Variants in TAFA1 observed in about 807,000 individuals in gnomAD.
TAFA1 encodes TAFA chemokine like family member 1.
A neutral mutation model predicts 18.5 loss-of-function variants in TAFA1; 4 were observed. That is an observed-to-expected ratio of 0.22 (90% CI 0.11 to 0.49). The LOEUF (loss-of-function observed/expected upper bound fraction) is 0.49. Among genes scored for constraint, TAFA1 ranks in the 20% least tolerant of loss-of-function variants. The probability of loss-of-function intolerance (pLI) is 0.98; values close to 1 mark genes in which losing one functional copy is unlikely to be tolerated. For missense variants in TAFA1, 147 were observed against 169.0 expected (o/e 0.87, Z 0.72); for synonymous variants, 56 against 55.2 (o/e 1.01, Z -0.06).
chr3:68,527,916 G>T (rs2073131083), intron 3 of TAFA1, among the ~76,000 whole-genome samples: 1 of 152,030 alleles, frequency 6.6e-6, no homozygotes, highest in African/African-American at 2.4e-5. Flanking sequence ...AGATAAGATT[G>T]TCTGTTCGAA....
At chr3:68,362,800 C>T (rs115752482) in intron 2 of TAFA1, among the ~76,000 whole-genome samples, 1,599 of 152,062 alleles carry the variant, frequency 0.011, 10 homozygotes, top group Non-Finnish European at 0.016. Flanking sequence ...AGAGATGATA[C>T]GGTAGGTTCT....
At chr3:68,305,436 TATATATATATATATATATATA>T (rs1217444174) in intron 2 of TAFA1, among the ~76,000 whole-genome samples, 1 of 117,120 alleles carries the variant, frequency 8.5e-6, no homozygotes, top group African/African-American at 3.2e-5. Flanking sequence ...TATATATATA[TATATATATATATATATATATA>T]GGTAGAAGGG....
chr3:68,459,311 C>T (rs1268323318), intron 3 of TAFA1, among the ~76,000 whole-genome samples: 2 of 152,144 alleles, frequency 1.3e-5, no homozygotes, highest in Non-Finnish European at 2.9e-5. Context: ...TAAGCAATAA[C>T]ACTATTTTTT....
chr3:68,497,740 A>G (rs2106697155), intron 3 of TAFA1, among the ~76,000 whole-genome samples: 1 of 152,294 alleles, frequency 6.6e-6, no homozygotes, highest in Non-Finnish European at 1.5e-5. Context: ...TTGGATATAT[A>G]ATAAAGTCTT....
chr3:67,998,035 C>A, the TAFA1 span, among the ~76,000 whole-genome samples: 2 of 151,132 alleles, frequency 1.3e-5, no homozygotes, highest in Admixed American at 1.3e-4. Flanking sequence ...ACATAAAAAA[C>A]ATATATTAAA....
At chr3:68,450,721 C>G (rs1331901793) in intron 3 of TAFA1, among the ~76,000 whole-genome samples, 1 of 152,194 alleles carries the variant, frequency 6.6e-6, no homozygotes, top group Non-Finnish European at 1.5e-5. Context: ...TATAGTTGCT[C>G]TTAGTGAATT....
intron 3 of TAFA1, among the ~76,000 whole-genome samples, chr3:68,483,395 T>A (rs1002060273): frequency 6.6e-6 from 1 of 152,238 alleles, no homozygotes; most frequent in African/African-American, 2.4e-5. Context: ...TCATGGATTA[T>A]AAAACCCATT....
chr3:68,420,506 C>G (rs1341633487), intron 3 of TAFA1, among the ~76,000 whole-genome samples: 3 of 152,114 alleles, frequency 2.0e-5, no homozygotes, highest in Admixed American at 6.5e-5. Flanking sequence ...AGGCATGAGC[C>G]ACCACACCTG....
intron 2 of TAFA1, among the ~76,000 whole-genome samples, chr3:68,135,449 T>C (rs900093003): frequency 5.9e-5 from 9 of 152,202 alleles, no homozygotes; most frequent in Admixed American, 5.9e-4. Flanking sequence ...CCAGGCAGCA[T>C]GGAAAAAGAA....
At chr3:68,544,259 G>C (rs996159480) in intron 4 of TAFA1, among the ~76,000 whole-genome samples, 2 of 152,066 alleles carry the variant, frequency 1.3e-5, no homozygotes, top group African/African-American at 4.8e-5. Flanking sequence ...CCTCAGGAGT[G>C]ACATCATTAA....
intron 2 of TAFA1, among the ~76,000 whole-genome samples, chr3:68,015,494 G>T (rs764645493): frequency 3.8e-4 from 58 of 152,152 alleles, no homozygotes; most frequent in Non-Finnish European, 6.9e-4. Flanking sequence ...CACCATGTTG[G>T]CCAGGCTGGT....
chr3:68,519,859 G>C (rs2072991166), intron 3 of TAFA1, among the ~76,000 whole-genome samples: 1 of 152,170 alleles, frequency 6.6e-6, no homozygotes, highest in Non-Finnish European at 1.5e-5. Context: ...TGCAGGTTAG[G>C]ATTTCAACAT....
intron 2 of TAFA1, among the ~76,000 whole-genome samples, chr3:68,051,394 G>A (rs2106703376): frequency 6.6e-6 from 1 of 152,222 alleles, no homozygotes; most frequent in South Asian, 2.1e-4. Flanking sequence ...TATTAGAACT[G>A]CATGGATTCG....
chr3:68,145,207 T>A (rs2065723669), intron 2 of TAFA1: 1 of 802,610 alleles, frequency 1.2e-6, no homozygotes. Flanking sequence ...AATCTGCAAA[T>A]TCTGAACTTG....
At chr3:68,403,973 T>C (rs928842314) in intron 2 of TAFA1, among the ~76,000 whole-genome samples, 1 of 152,206 alleles carries the variant, frequency 6.6e-6, no homozygotes, top group Non-Finnish European at 1.5e-5. Context: ...GCATCCCTAA[T>C]GGCTGCTCCA....
chr3:68,440,913 C>T (rs1575869644), intron 3 of TAFA1, among the ~76,000 whole-genome samples: 1 of 152,124 alleles, frequency 6.6e-6, no homozygotes, highest in East Asian at 1.9e-4. Context: ...TCTTAACTTC[C>T]AATTTAATGG....
intron 2 of TAFA1, among the ~76,000 whole-genome samples, chr3:68,085,186 A>G (rs1483442919): frequency 6.6e-6 from 1 of 152,118 alleles, no homozygotes; most frequent in Non-Finnish European, 1.5e-5. Flanking sequence ...TGCTATCTTT[A>G]TTTTATAGAT....
At chr3:68,126,744 C>T (rs912923098) in intron 2 of TAFA1, among the ~76,000 whole-genome samples, 1 of 152,162 alleles carries the variant, frequency 6.6e-6, no homozygotes, top group Non-Finnish European at 1.5e-5. Flanking sequence ...ATCAGAGGCA[C>T]ATCATGTTAT....
chr3:68,427,153 A>G (rs2071072511), intron 3 of TAFA1, among the ~76,000 whole-genome samples: 1 of 151,836 alleles, frequency 6.6e-6, no homozygotes, highest in African/African-American at 2.4e-5. Flanking sequence ...ATTCACAAAG[A>G]AATTTCCCCA....
Sources: gnomAD v4.1 joint callset for allele counts (sites outside exome capture counted in the v4.1 genomes callset) on GRCh38, gnomAD v4.1.1 for gene constraint, MANE v1.5 for transcripts, NCBI Gene and HGNC (gene_info 2026-07-23, HGNC 2026-07-21) for gene names.